MTUS2: variants seen among roughly 807,000 people sequenced by gnomAD.
MTUS2 encodes microtubule-associated tumor suppressor candidate 2.
MTUS2 carries 40 observed loss-of-function variants against 114.1 expected under a neutral mutation model. The observed-to-expected ratio is 0.35, with a 90% confidence interval of 0.27 to 0.46. The LOEUF is 0.46. MTUS2 is among the 20% of genes least tolerant of loss of function. The pLI is 1.00. For missense variants in MTUS2, 1,679 were observed against 1,705.4 expected, an observed-to-expected ratio of 0.98 and a Z score of 0.27; for synonymous variants, 688 against 672.0, an observed-to-expected ratio of 1.02 and a Z score of -0.37.
At chr13:29,424,324 A>G (rs1461151130) in intron 8 of MTUS2, among the ~76,000 whole-genome samples, 1 of 152,074 alleles carries the variant, frequency 6.6e-6, no homozygotes, top group African/African-American at 2.4e-5. Flanking sequence ...AACGTACCCC[A>G]TAAATGTGTA....
At chr13:29,199,888 C>T (rs1046446723) in intron 5 of MTUS2, among the ~76,000 whole-genome samples, 6 of 152,026 alleles carry the variant, frequency 3.9e-5, no homozygotes, top group East Asian at 1.9e-4. Flanking sequence ...TTGGTCTATT[C>T]GGGGATTTGA....
intron 2 of MTUS2, among the ~76,000 whole-genome samples, chr13:29,017,142 G>A (rs1886099782): frequency 1.3e-5 from 2 of 152,166 alleles, no homozygotes; most frequent in South Asian, 4.1e-4. Flanking sequence ...ATTAAATGTG[G>A]CAAAACACTA....
At chr13:29,215,469 TTGC>T (rs1895637591) in intron 5 of MTUS2, among the ~76,000 whole-genome samples, 1 of 93,424 alleles carries the variant, frequency 1.1e-5, no homozygotes, top group Non-Finnish European at 2.0e-5. Flanking sequence ...CAGCATTTTT[TTGC>T]TGTTTTTTTT....
intron 5 of MTUS2, among the ~76,000 whole-genome samples, chr13:29,255,729 T>C (rs1165153973): frequency 1.3e-5 from 2 of 151,874 alleles, no homozygotes; most frequent in African/African-American, 4.8e-5. Flanking sequence ...AGGGGGTGAC[T>C]GAAAGGTCAT....
intron 5 of MTUS2, among the ~76,000 whole-genome samples, chr13:29,169,471 T>C (rs1182991919): frequency 6.6e-6 from 1 of 152,214 alleles, no homozygotes; most frequent in Non-Finnish European, 1.5e-5. Flanking sequence ...AGTGAGCTTT[T>C]ACCAGAAAAA....
At chr13:28,950,767 C>G (rs182863653) in intron 2 of MTUS2, among the ~76,000 whole-genome samples, 180 of 152,256 alleles carry the variant, frequency 1.2e-3, no homozygotes, top group African/African-American at 4.2e-3. Context: ...TCACAGATCA[C>G]TGTAACAGAT....
At position 29,360,691 on chromosome 13, in the gene MTUS2, C is replaced by G. The variant is rs1021977021; in HGVS notation, c.3117+1218C>G. Among the ~76,000 whole-genome samples the G allele has an allele frequency of 1.3e-3, 32 of 24,842 alleles. 1 individual carries two copies. The highest frequency in any genetic ancestry group is 2.6e-3 in the African/African-American group (32 of 12,140). 16.3% of individuals were successfully genotyped at this position (24,842 alleles called of 152,430 possible). ...AGCTTGCATAAAGTAGCCGAACACC[C>G]CCCCCCCCCCGTAAGAATTAAAGTT... is the stretch of plus-strand genomic sequence containing the variant. On this transcript the variant is annotated intron_variant, in intron 8 of 15. Transcript: ENST00000612955.
At chr13:28,906,266 C>T (rs1294388007) in intron 2 of MTUS2, among the ~76,000 whole-genome samples, 1 of 151,192 alleles carries the variant, frequency 6.6e-6, no homozygotes, top group African/African-American at 2.4e-5. Context: ...CAGTTCTGCT[C>T]TGATTTTAGT....
intron 2 of MTUS2, among the ~76,000 whole-genome samples, chr13:28,868,774 C>G (rs1877450386): frequency 6.6e-6 from 1 of 152,140 alleles, no homozygotes; most frequent in Non-Finnish European, 1.5e-5. Flanking sequence ...GACTATCAGT[C>G]CTTTAGAAAT....
At chr13:29,334,017 TTTTTG>T (rs753238680) in intron 7 of MTUS2, among the ~76,000 whole-genome samples, 86 of 152,260 alleles carry the variant, frequency 5.6e-4, no homozygotes, top group Non-Finnish European at 1.0e-3. Flanking sequence ...AACCCCTGTT[TTTTTG>T]TTTTGTTTTG....
chr13:29,246,321 G>A (rs557458239), intron 5 of MTUS2, among the ~76,000 whole-genome samples: 3 of 152,182 alleles, frequency 2.0e-5, no homozygotes, highest in East Asian at 1.9e-4. Context: ...TCCAACATCC[G>A]AGGCAGACCT....
At chr13:29,008,781 A>T (rs1338006299) in intron 2 of MTUS2, among the ~76,000 whole-genome samples, 4 of 152,250 alleles carry the variant, frequency 2.6e-5, no homozygotes, top group African/African-American at 9.6e-5. Context: ...TTCCTAGGAC[A>T]CTGGAATTAC....
chr13:29,306,883 C>T (rs1899492422), intron 6 of MTUS2: 6 of 505,878 alleles, frequency 1.2e-5, no homozygotes, highest in South Asian at 8.8e-5. Context: ...CATCAGTGAC[C>T]CCTTCATTGA....
chr13:29,361,213 T>G (rs1366920723), intron 8 of MTUS2, among the ~76,000 whole-genome samples: 1 of 152,172 alleles, frequency 6.6e-6, no homozygotes, highest in Non-Finnish European at 1.5e-5. Flanking sequence ...GGCAGGTGAT[T>G]TGCAGGCATC....
chr13:29,368,462 T>C (rs763569735), intron 8 of MTUS2, among the ~76,000 whole-genome samples: 16 of 152,210 alleles, frequency 1.1e-4, no homozygotes, highest in Non-Finnish European at 2.4e-4. Context: ...TATATTGTTA[T>C]ATTTCAAAAT....
chr13:28,985,546 G>A (rs1375364898), intron 2 of MTUS2, among the ~76,000 whole-genome samples: 1 of 149,188 alleles, frequency 6.7e-6, no homozygotes, highest in Non-Finnish European at 1.5e-5. Context: ...TTTAGCAATC[G>A]AAGAAATGGT....
intron 5 of MTUS2, among the ~76,000 whole-genome samples, chr13:29,141,756 C>T (rs1892229344): frequency 6.6e-6 from 1 of 152,054 alleles, no homozygotes; most frequent in African/African-American, 2.4e-5. Context: ...AAAATTTGTG[C>T]AAAACACTGT....
chr13:29,167,285 G>A (rs1462766161), intron 5 of MTUS2, among the ~76,000 whole-genome samples: 1 of 151,980 alleles, frequency 6.6e-6, no homozygotes, highest in East Asian at 1.9e-4. Context: ...TGAGGCAGGA[G>A]AATGGCGTGA....
intron 11 of MTUS2, 184 bp downstream of exon 11, chr13:29,488,189 G>A (rs558504066): frequency 6.1e-4 from 363 of 592,406 alleles, no homozygotes; most frequent in Non-Finnish European, 1.0e-3. Flanking sequence ...CAGGTAGTTA[G>A]CTGCTTCTTT....
Sources: allele counts gnomAD v4.1 joint callset (sites outside exome capture counted in the v4.1 genomes callset), GRCh38; gene constraint gnomAD v4.1.1; transcripts MANE v1.5; gene names NCBI Gene and HGNC (gene_info 2026-07-23, HGNC 2026-07-21).